ADGRB3: variants seen among roughly 807,000 people sequenced by gnomAD.
The protein encoded by ADGRB3 is adhesion G protein-coupled receptor B3.
Under a neutral mutation model 193.4 loss-of-function variants are expected in ADGRB3, and 37 were observed. The ratio of observed to expected loss-of-function variants is 0.19; its 90% confidence interval spans 0.15 to 0.25. ADGRB3 has a LOEUF of 0.25. Ranked by LOEUF, ADGRB3 falls within the 10% of genes least tolerant of loss-of-function variation. The pLI is 1.00. For missense variants in ADGRB3, 1,637 were observed against 1,852.9 expected (o/e 0.88, Z 2.14); for synonymous variants, 690 against 644.2 (o/e 1.07, Z -1.08).
chr6:69,074,836 C>T lies in ADGRB3; in HGVS notation c.2437-1159C>T, dbSNP rs6907514. On this transcript the variant is annotated intron_variant, in intron 16 of 31. Transcript: ENST00000370598. Reference sequence around the variant, plus strand: ...CTGGGATTACAGGCGTGAGCCACTGCGCCCGGCCTCAGGACTGTATCTTTT... The same window carrying T: ...CTGGGATTACAGGCGTGAGCCACTGTGCCCGGCCTCAGGACTGTATCTTTT... Among the ~76,000 whole-genome samples the T allele has an allele frequency of 3.3e-3, 500 of 152,228 alleles. 2 individuals carry two copies. Among genetic ancestry groups the T allele is most frequent in the African/African-American group, 0.012 (483 of 41,550 alleles).
In ADGRB3 at chr6:69,326,319, C is replaced by T. The variant is rs559685818; in HGVS notation, c.2965+1297C>T. 2.0e-5 allele frequency among the ~76,000 whole-genome samples: 3 copies of T among 152,224 alleles called. No homozygotes were observed. In the South Asian group the frequency reaches 6.2e-4, roughly 32 times the overall value. On this transcript the variant is annotated intron_variant, in intron 21 of 31. Coordinates refer to ENST00000370598, the MANE Select transcript of ADGRB3 (RefSeq NM_001704.3). The stretch of plus-strand genomic sequence containing the variant: ...TTTGTCTAAATTTCCTGACAAAGGC[C>T]TTCTAAAGTTGAGATAGTATTTAAA...
At chr6:68,867,845 T>C (rs530733178) in intron 3 of ADGRB3, among the ~76,000 whole-genome samples, 1 of 152,314 alleles carries the variant, frequency 6.6e-6, no homozygotes, top group African/African-American at 2.4e-5. Flanking sequence ...AGACCATTGC[T>C]TTTGGCCAAT....
At chr6:68,869,095 C>G (rs1246059579) in intron 3 of ADGRB3, among the ~76,000 whole-genome samples, 1 of 152,094 alleles carries the variant, frequency 6.6e-6, no homozygotes, top group Admixed American at 6.5e-5. Context: ...TCCTTCTCAG[C>G]AGTCAACTGG....
chr6:68,672,871 T>G (rs1769000055), intron 3 of ADGRB3, among the ~76,000 whole-genome samples: 1 of 151,978 alleles, frequency 6.6e-6, no homozygotes, highest in Non-Finnish European at 1.5e-5. Flanking sequence ...AAGACTAAGG[T>G]CTCCTCGCAA....
At chr6:69,384,521 A>G (rs1465614717) in intron 31 of ADGRB3, among the ~76,000 whole-genome samples, 2 of 152,090 alleles carry the variant, frequency 1.3e-5, no homozygotes, top group African/African-American at 4.8e-5. Flanking sequence ...TAAAAGTCTT[A>G]TGCAACAGAT....
chr6:68,973,855 T>C (rs1350019692), intron 8 of ADGRB3, among the ~76,000 whole-genome samples: 1 of 152,232 alleles, frequency 6.6e-6, no homozygotes, highest in African/African-American at 2.4e-5. Context: ...ATGTCACTTT[T>C]AACACAATAT....
At chr6:69,247,741 A>G (rs540314230) in intron 20 of ADGRB3, among the ~76,000 whole-genome samples, 14 of 152,144 alleles carry the variant, frequency 9.2e-5, no homozygotes, top group Admixed American at 3.3e-4. Context: ...CATTAATACT[A>G]GTACTTGTTT....
chr6:69,039,742 C>CTTTTTTTTTT (rs34543678), intron 13 of ADGRB3, among the ~76,000 whole-genome samples: 1 of 130,238 alleles, frequency 7.7e-6, no homozygotes, highest in Non-Finnish European at 1.6e-5. Flanking sequence ...TTGTTTTTTT[C>CTTTTTTTTTT]TTTTTTTTTT....
intron 13 of ADGRB3, among the ~76,000 whole-genome samples, chr6:69,039,591 G>A (rs979850804): frequency 3.9e-5 from 6 of 152,108 alleles, no homozygotes; most frequent in African/African-American, 1.4e-4. Flanking sequence ...AACAAAAAGA[G>A]AGAGGCTCTC....
chr6:68,747,279 T>A (rs1239773072), intron 3 of ADGRB3, among the ~76,000 whole-genome samples: 1 of 152,162 alleles, frequency 6.6e-6, no homozygotes. Flanking sequence ...TAGGCTTGTG[T>A]GTAAGCGGCC....
chr6:68,909,157 T>C (rs1426873053), intron 3 of ADGRB3, among the ~76,000 whole-genome samples: 3 of 152,220 alleles, frequency 2.0e-5, no homozygotes, highest in East Asian at 1.9e-4. Flanking sequence ...AACATCTTGT[T>C]ATATGTGCTT....
At chr6:69,157,088 G>C (rs1024624166) in intron 17 of ADGRB3, among the ~76,000 whole-genome samples, 1 of 152,142 alleles carries the variant, frequency 6.6e-6, no homozygotes, top group Non-Finnish European at 1.5e-5. Context: ...ACGCCTTACT[G>C]GCTGTGCAAC....
intron 3 of ADGRB3, among the ~76,000 whole-genome samples, chr6:68,849,612 G>A (rs1768355966): frequency 6.6e-6 from 1 of 151,864 alleles, no homozygotes; most frequent in Non-Finnish European, 1.5e-5. Context: ...GAAAATTAAA[G>A]ATGAAAATTC....
At chr6:68,664,934 A>C (rs914812153) in intron 3 of ADGRB3, among the ~76,000 whole-genome samples, 1 of 151,754 alleles carries the variant, frequency 6.6e-6, no homozygotes, top group South Asian at 2.1e-4. Context: ...TCTTATACAC[A>C]TTCTTACTCA....
intron 3 of ADGRB3, among the ~76,000 whole-genome samples, chr6:68,843,753 C>T (rs1174038495): frequency 2.0e-5 from 3 of 152,038 alleles, no homozygotes; most frequent in Non-Finnish European, 4.4e-5. Flanking sequence ...GGAGGAATCA[C>T]ATTACCTGAC....
At chr6:69,160,606 G>A (rs538701844) in intron 17 of ADGRB3, among the ~76,000 whole-genome samples, 21 of 151,952 alleles carry the variant, frequency 1.4e-4, no homozygotes, top group Non-Finnish European at 1.5e-4. Flanking sequence ...ATAGCTATTC[G>A]TATTTTTCAA....
At chr6:68,897,703 A>G (rs1766271496) in intron 3 of ADGRB3, among the ~76,000 whole-genome samples, 1 of 109,856 alleles carries the variant, frequency 9.1e-6, no homozygotes, top group Non-Finnish European at 1.8e-5. Context: ...GAAAGAAGAA[A>G]GAAGGAAGGG....
At chr6:68,912,984 T>A (rs961144772) in intron 3 of ADGRB3, among the ~76,000 whole-genome samples, 1 of 152,120 alleles carries the variant, frequency 6.6e-6, no homozygotes, top group Non-Finnish European at 1.5e-5. Context: ...AAGATCAAAC[T>A]GCAAGGCGGC....
At chr6:69,078,839 A>G (rs1772307623) in intron 17 of ADGRB3, among the ~76,000 whole-genome samples, 1 of 152,104 alleles carries the variant, frequency 6.6e-6, no homozygotes, top group South Asian at 2.1e-4. Context: ...TAAAAGAAAT[A>G]CTTTGTCTTT....
Sources: allele counts gnomAD v4.1 joint callset (sites outside exome capture counted in the v4.1 genomes callset), GRCh38; gene constraint gnomAD v4.1.1; transcripts MANE v1.5; gene names NCBI Gene and HGNC (gene_info 2026-07-23, HGNC 2026-07-21).